RSRC1: variants seen among roughly 807,000 people sequenced by gnomAD.
RSRC1 encodes the protein serine/Arginine-related protein 53.
RSRC1 carries 39 observed loss-of-function variants against 49.1 expected under a neutral mutation model. The ratio of observed to expected loss-of-function variants is 0.79; its 90% confidence interval spans 0.61 to 1.04. RSRC1 has a LOEUF of 1.04. Ranked by LOEUF, RSRC1 falls within the 50% of genes least tolerant of loss-of-function variation. RSRC1 has a pLI of 0.00. For missense variants in RSRC1, 388 were observed against 402.4 expected, an observed-to-expected ratio of 0.96 and a Z score of 0.31; for synonymous variants, 143 against 130.8, an observed-to-expected ratio of 1.09 and a Z score of -0.63.
intron 1 of RSRC1, among the ~76,000 whole-genome samples, chr3:158,115,684 C>A (rs1714756813): frequency 6.6e-6 from 1 of 151,982 alleles, no homozygotes; most frequent in Admixed American, 6.6e-5. Context: ...TCCTTTTTTG[C>A]AAATCTCTAA....
At chr3:158,169,341 T>G (rs1440156054) in intron 3 of RSRC1, among the ~76,000 whole-genome samples, 3 of 152,114 alleles carry the variant, frequency 2.0e-5, no homozygotes, top group Non-Finnish European at 4.4e-5. Context: ...CAAATATTAA[T>G]GACTCCTGCT....
intron 5 of RSRC1, among the ~76,000 whole-genome samples, chr3:158,342,313 A>G (rs938752624): frequency 1.3e-5 from 2 of 152,158 alleles, no homozygotes; most frequent in Non-Finnish European, 2.9e-5. Context: ...GAATTCCCAC[A>G]TGTTGTTGGA....
intron 4 of RSRC1, among the ~76,000 whole-genome samples, chr3:158,252,508 G>T (rs1232056802): frequency 6.6e-6 from 1 of 152,108 alleles, no homozygotes; most frequent in Non-Finnish European, 1.5e-5. Context: ...TTTTGTTGAG[G>T]ATTTTTGCAT....
chr3:158,427,986 T>G (rs749570235), intron 6 of RSRC1, among the ~76,000 whole-genome samples: 1 of 151,876 alleles, frequency 6.6e-6, no homozygotes, highest in Non-Finnish European at 1.5e-5. Context: ...GAGTAGCAAC[T>G]ATTTTTGGTT....
At chr3:158,457,374 G>A (rs1385889282) in intron 6 of RSRC1, among the ~76,000 whole-genome samples, 2 of 152,210 alleles carry the variant, frequency 1.3e-5, no homozygotes, top group African/African-American at 4.8e-5. Flanking sequence ...TGAGAGATTA[G>A]TTGGCTGGTG....
At chr3:158,471,193 G>C (rs1484313998) in intron 7 of RSRC1, among the ~76,000 whole-genome samples, 1 of 152,194 alleles carries the variant, frequency 6.6e-6, no homozygotes, top group East Asian at 1.9e-4. Flanking sequence ...ACTAGTCCCA[G>C]GGTGTTGCCA....
At chr3:158,172,901 A>C (rs967553330) in intron 3 of RSRC1, among the ~76,000 whole-genome samples, 2 of 152,118 alleles carry the variant, frequency 1.3e-5, no homozygotes, top group Non-Finnish European at 2.9e-5. Flanking sequence ...AATTTGTGCT[A>C]ATCATTTGCT....
At chr3:158,213,327 G>A (rs114190585) in intron 4 of RSRC1, among the ~76,000 whole-genome samples, 411 of 151,872 alleles carry the variant, frequency 2.7e-3, no homozygotes, top group Non-Finnish European at 4.7e-3. Context: ...TGTAAATGTC[G>A]TCAACATATC....
chr3:158,292,303 A>C (rs140854285), intron 4 of RSRC1, among the ~76,000 whole-genome samples: 370 of 152,328 alleles, frequency 2.4e-3, no homozygotes, highest in Middle Eastern at 6.8e-3. Context: ...CTAATGCAGA[A>C]CATCAATCAT....
intron 7 of RSRC1, among the ~76,000 whole-genome samples, chr3:158,530,041 C>T (rs996489745): frequency 2.6e-5 from 4 of 151,898 alleles, no homozygotes; most frequent in Non-Finnish European, 4.4e-5. Context: ...TCTCCTCCTC[C>T]TATCATTTCC....
intron 6 of RSRC1, among the ~76,000 whole-genome samples, chr3:158,444,316 A>T (rs1736561689): frequency 6.6e-6 from 1 of 152,154 alleles, no homozygotes; most frequent in Non-Finnish European, 1.5e-5. Context: ...AGAGATATAG[A>T]CCAATGGAAC....
chr3:158,284,153 T>C (rs1227219932), intron 4 of RSRC1, among the ~76,000 whole-genome samples: 1 of 151,534 alleles, frequency 6.6e-6, no homozygotes, highest in Non-Finnish European at 1.5e-5. Flanking sequence ...TTTGGTTTTT[T>C]ATTCTTGCGA....
intron 6 of RSRC1, among the ~76,000 whole-genome samples, chr3:158,377,026 A>G (rs1428418143): frequency 2.0e-5 from 3 of 152,156 alleles, no homozygotes. Context: ...CACTTTAAAG[A>G]TAGTGTTCAC....
chr3:158,466,320 A>C (rs561260225), intron 7 of RSRC1, among the ~76,000 whole-genome samples: 9 of 152,314 alleles, frequency 5.9e-5, no homozygotes, highest in African/African-American at 2.2e-4. Flanking sequence ...ATGTACATGA[A>C]ATGCAGATAT....
intron 6 of RSRC1, among the ~76,000 whole-genome samples, chr3:158,381,049 A>G (rs1166687884): frequency 6.6e-6 from 1 of 152,216 alleles, no homozygotes; most frequent in East Asian, 1.9e-4. Context: ...AAATTAAGAA[A>G]AAGTCACGTA....
At chr3:158,198,710 G>C (rs1720820695) in intron 3 of RSRC1, among the ~76,000 whole-genome samples, 2 of 152,024 alleles carry the variant, frequency 1.3e-5, no homozygotes, top group African/African-American at 2.4e-5. Flanking sequence ...AGATGAACTT[G>C]GTACCTCAGT....
At position 158,122,119 on chromosome 3, in the gene RSRC1, A is replaced by G; in HGVS notation, c.15A>G (p.Ser5=). The G allele has an allele frequency of 6.6e-7, 1 of 1,520,024 alleles. No individual in the cohort carries two copies. Among genetic ancestry groups the G allele is most frequent in the East Asian group, 2.5e-5 (1 of 40,444 alleles). The allele number at this position is 1,520,024 out of a possible 1,614,324, so 94.2% of individuals were successfully genotyped here. Reference sequence around the variant, plus strand: ...TGCTTATAGAAATGGGACGTCGGTCATCAGATACTGAAGAAGAAAGCAGAA... The same window carrying G: ...TGCTTATAGAAATGGGACGTCGGTCGTCAGATACTGAAGAAGAAAGCAGAA... MGRR[S]SDTEEESRSK... The change falls in exon 2 of 10, where the codon TCA becomes TCG. Residue 5 remains serine (S), a synonymous_variant. Coordinates refer to ENST00000611884, the MANE Select transcript of RSRC1 (RefSeq NM_001271838.2).
At chr3:158,276,214 C>A (rs745991871) in intron 4 of RSRC1, 29 of 787,320 alleles carry the variant, frequency 3.7e-5, no homozygotes, top group Non-Finnish European at 5.9e-5. Flanking sequence ...CATTTTCGGC[C>A]ACCATGGCGA....
At chr3:158,385,761 G>A (rs1732936452) in intron 6 of RSRC1, among the ~76,000 whole-genome samples, 1 of 152,082 alleles carries the variant, frequency 6.6e-6, no homozygotes, top group South Asian at 2.1e-4. Context: ...GCTGATTAAT[G>A]GAGTTTGGTT....
Sources: allele counts gnomAD v4.1 joint callset (sites outside exome capture counted in the v4.1 genomes callset), GRCh38; gene constraint gnomAD v4.1.1; transcripts MANE v1.5; gene names NCBI Gene and HGNC (gene_info 2026-07-23, HGNC 2026-07-21).